The following BOD1L1 variants were observed in gnomAD, a reference collection of about 807,000 sequenced individuals.
The protein encoded by BOD1L1 is biorientation of chromosomes in cell division protein 1-like 1.
Under a neutral mutation model 240.7 loss-of-function variants are expected in BOD1L1, and 86 were observed. The observed-to-expected ratio is 0.36, with a 90% CI of 0.30 to 0.43. The LOEUF is 0.43. BOD1L1 is among the 20% of genes least tolerant of loss of function. BOD1L1 has a pLI of 1.00. For synonymous variants in BOD1L1, 1,268 were observed against 1,272.3 expected, an observed-to-expected ratio of 1.00 and a Z score of 0.07; for missense variants, 3,554 against 3,643.5, an observed-to-expected ratio of 0.98 and a Z score of 0.63.
intron 2 of BOD1L1, among the ~76,000 whole-genome samples, chr4:13,617,777 T>C (rs10028543): frequency 0.15 from 22,203 of 152,222 alleles, 1,773 homozygotes; most frequent in Middle Eastern, 0.24. Flanking sequence ...CTCAACCTAA[T>C]GGAGTCAAGT....
intron 9 of BOD1L1, among the ~76,000 whole-genome samples, chr4:13,605,855 A>G (rs78259048): frequency 1.9e-4 from 29 of 152,268 alleles, no homozygotes; most frequent in African/African-American, 6.5e-4. Context: ...TAACATATGT[A>G]TATGTTTATG....
intron 5 of BOD1L1, among the ~76,000 whole-genome samples, chr4:13,612,773 C>T (rs890380909): frequency 6.6e-6 from 1 of 151,988 alleles, no homozygotes; most frequent in African/African-American, 2.4e-5. Context: ...GATTTAGGGT[C>T]GGAGTGTTGG....
Position 13,614,506 on chromosome 4 carries a change from T to C in BOD1L1, c.864A>G (p.Glu288=), listed in dbSNP as rs766236747. The C allele has an allele frequency of 1.2e-6, 2 of 1,613,980 alleles. No individual in the cohort carries two copies. The highest frequency in any genetic ancestry group is 2.2e-5 in the South Asian group (2 of 91,082). ...EEFSDLPCPV[E]EIKNYTKEHN... Reference sequence around the variant, plus strand: ...GCTCTTTTGTGTAATTTTTAATTTCTTCGACTGGACAGGGGAGGTCGCTGA... The same window carrying C: ...GCTCTTTTGTGTAATTTTTAATTTCCTCGACTGGACAGGGGAGGTCGCTGA... The change falls in exon 4 of 26, where the codon GAA becomes GAG. Residue 288 remains glutamate, a synonymous_variant. Coordinates refer to ENST00000040738, the MANE Select transcript of BOD1L1 (RefSeq NM_148894.3).
chr4:13,584,125 A>G (rs1258190798), intron 17 of BOD1L1, among the ~76,000 whole-genome samples: 1 of 152,230 alleles, frequency 6.6e-6, no homozygotes, highest in Non-Finnish European at 1.5e-5. Context: ...TTTTTAGATA[A>G]AAGGCATATA....
At chr4:13,622,177 C>T (rs1334331357) in intron 1 of BOD1L1, among the ~76,000 whole-genome samples, 2 of 152,102 alleles carry the variant, frequency 1.3e-5, no homozygotes, top group South Asian at 4.1e-4. Flanking sequence ...AAAACTAATT[C>T]TTAATTCTTT....
At chr4:13,585,287 G>C (rs1164707325) in intron 17 of BOD1L1, among the ~76,000 whole-genome samples, 1 of 152,156 alleles carries the variant, frequency 6.6e-6, no homozygotes, top group Admixed American at 6.5e-5. Flanking sequence ...CCAAAGTCTG[G>C]TTTTAGAGAA....
rs761125499 is a variant in BOD1L1, at chr4:13,627,438, G to A, written c.150C>T (p.Asp50=). The A allele has an allele frequency of 7.7e-7, 1 of 1,305,448 alleles. No individual in the cohort carries two copies. The highest frequency in any genetic ancestry group is 9.9e-7 in the Non-Finnish European group (1 of 1,013,452). The allele number at this position is 1,305,448 out of a possible 1,614,324, so 80.9% of individuals were successfully genotyped here. The change falls in exon 1 of 26, where the codon GAC becomes GAT. Residue 50 remains aspartate (D), a synonymous_variant. Coordinates refer to ENST00000040738, the MANE Select transcript of BOD1L1 (RefSeq NM_148894.3). ...TCACGATCATGGCCACGAGCTGCGG[G>A]TCCCCGGCGCCCGCACCCGCGCCGC... ...GAGGAGAGAG[D]PQLVAMIVNH...
rs573510116 is a variant in BOD1L1 at position 13,582,340 on chromosome 4, C to T, written c.8519-30G>A. ...AGAAAAGGAAGAACTTTGTTCAATG[C>T]TAGTGACCATGGTCAGCCTTCCCCA... On this transcript the variant is annotated intron_variant, in intron 18 of 25. Coordinates refer to ENST00000040738, the MANE Select transcript of BOD1L1 (RefSeq NM_148894.3). 2.5e-6 allele frequency: 4 copies of T among 1,581,382 alleles called. No individual in the cohort carries two copies. In the South Asian group the frequency reaches 4.5e-5, roughly 18 times the overall value.
rs777288079 is a variant in BOD1L1 at position 13,600,662 on chromosome 4, C to T, written c.6238G>A (p.Asp2080Asn). ...ATTGCGCTTACCTGAGGGGTGTAAT[C>T]ATTTGTGGTACTGGTGGAAATAATC... The part of the protein sequence containing the change: ...VLIISTSTTN[D>N]YTPQVSAITD... Residue 2080 changes from aspartate to asparagine, a missense_variant, in exon 10 of 26, where the codon GAT becomes AAT. Asp to Asn is a conservative substitution (Grantham distance 23). Coordinates refer to ENST00000040738, the MANE Select transcript of BOD1L1 (RefSeq NM_148894.3). The T allele has an allele frequency of 2.5e-6, 4 of 1,613,966 alleles. No homozygotes were observed. Among genetic ancestry groups the T allele is most frequent in the Non-Finnish European group, 3.4e-6 (4 of 1,179,882 alleles).
chr4:13,609,688 T>C (rs1458855581), intron 6 of BOD1L1, among the ~76,000 whole-genome samples: 1 of 152,208 alleles, frequency 6.6e-6, no homozygotes, highest in Admixed American at 6.5e-5. Context: ...GGGAAAGGTA[T>C]AATTTTGGGG....
Position 13,597,084 on chromosome 4 carries a change from A to C in BOD1L1, c.8019+20T>G, listed in dbSNP as rs547897740. 109 of 1,560,836 alleles carry C rather than the reference A, an allele frequency of 7.0e-5. No individual in the cohort carries two copies. The East Asian group carries it at 1.5e-3, about 22-fold the overall frequency. On this transcript the variant is annotated intron_variant, in intron 11 of 25. Coordinates refer to ENST00000040738, the MANE Select transcript of BOD1L1 (RefSeq NM_148894.3). Reference sequence around the variant, plus strand: ...TATTTAATCACTTACAGTTCAGCACAGCTGAATTATAAGCCATACCTCCAT... The same window carrying C: ...TATTTAATCACTTACAGTTCAGCACCGCTGAATTATAAGCCATACCTCCAT...
chr4:13,609,162 A>C, intron 7 of BOD1L1, 133 bp downstream of exon 7: 2 of 504,374 alleles, frequency 4.0e-6, no homozygotes, highest in Non-Finnish European at 6.3e-6. Flanking sequence ...TGAGATTAAA[A>C]CGTAAGGAAA....
At position 13,604,503 on chromosome 4, in the gene BOD1L1, T is replaced by C. The variant is rs776611403; in HGVS notation, c.2397A>G (p.Leu799=). ...GCTTTCCATCTTTGCCTAATACTGA[T>C]AATTTCCTTTCATTCCTATGTTTAC... The part of the protein sequence containing the change: ...RKSKHRNERK[L]SVLGKDGKPV... Residue 799 remains leucine, a synonymous_variant, in exon 10 of 26, where the codon TTA becomes TTG. Transcript: ENST00000040738. The C allele has an allele frequency of 6.5e-7, 1 of 1,531,064 alleles. No homozygotes were observed. Among genetic ancestry groups the C allele is most frequent in the Non-Finnish European group, 8.7e-7 (1 of 1,146,694 alleles). 94.8% of individuals were successfully genotyped at this position (1,531,064 alleles called of 1,614,324 possible).
At position 13,613,335 on chromosome 4, in the gene BOD1L1, T is replaced by C. The variant is rs1403299639; in HGVS notation, c.1324+177A>G. 6.6e-6 allele frequency among the ~76,000 whole-genome samples: 1 copy of C among 152,180 alleles called. No homozygotes were observed. Among genetic ancestry groups the C allele is most frequent in the Non-Finnish European group, 1.5e-5 (1 of 68,032 alleles). On this transcript the variant is annotated intron_variant, in intron 5 of 25. Coordinates refer to ENST00000040738, the MANE Select transcript of BOD1L1 (RefSeq NM_148894.3). The surrounding 1 kb of genome is among the most constrained non-coding windows in gnomAD (Gnocchi z 4.0). ...CCAAGGGTTGTTGAGATTTAGTAAC[T>C]TACCAAGCTTGCTCAGACAGACAAC...
At chr4:13,597,030 T>C (rs1714673595) in intron 11 of BOD1L1, 74 bp downstream of exon 11, 1 of 1,164,906 alleles carries the variant, frequency 8.6e-7, no homozygotes, top group Non-Finnish European at 1.2e-6. Flanking sequence ...ACCACATAAG[T>C]ATATATATGT....
intron 25 of BOD1L1, chr4:13,572,810 G>A: frequency 7.8e-7 from 1 of 1,289,794 alleles, no homozygotes; most frequent in Non-Finnish European, 1.0e-6. Context: ...AAGTTTGGAT[G>A]TTGCACGTGC....
rs770905798 is a variant in BOD1L1, at chr4:13,579,956, A to G, written c.8721T>C (p.Ser2907=). 6.4e-7 allele frequency: 1 copy of G among 1,559,752 alleles called. No homozygotes were observed. The highest frequency in any genetic ancestry group is 8.7e-7 in the Non-Finnish European group (1 of 1,150,670). The change falls in exon 22 of 26, where the codon TCT becomes TCC. Residue 2907 remains serine, a synonymous_variant. Coordinates refer to ENST00000040738, the MANE Select transcript of BOD1L1 (RefSeq NM_148894.3). ...TTTGCATTACTTTCAGTTTGCTGCT[A>G]GATGGAGATTGTTCTACCTATGTTT... ...TGIVTVEQSP[S]SSKLKVMQTD...
chr4:13,600,549 G>T lies in BOD1L1; in HGVS notation c.6351C>A (p.Ala2117=). Residue 2117 remains alanine, a synonymous_variant, in exon 10 of 26, where the codon GCC becomes GCA. Coordinates refer to ENST00000040738, the MANE Select transcript of BOD1L1 (RefSeq NM_148894.3). ...GTRVTTEEFE[A]PMPSAVSGDD... ...CTCCTGAGACTGCACTGGGCATGGG[G>T]GCCTCAAATTCTTCTGTGGTTACTC... The T allele has an allele frequency of 6.2e-7, 1 of 1,613,836 alleles. No homozygotes were observed. The highest frequency in any genetic ancestry group is 1.7e-4 in the Middle Eastern group (1 of 6,060).
chr4:13,577,776 A>G (rs1314705131), intron 22 of BOD1L1, 145 bp from the exon 23 acceptor site: 18 of 614,106 alleles, frequency 2.9e-5, no homozygotes, highest in African/African-American at 3.7e-5. Context: ...AAGCAAAGAT[A>G]GAATCAGAAT....
Sources: gnomAD v4.1 joint callset for allele counts (sites outside exome capture counted in the v4.1 genomes callset) on GRCh38, gnomAD v4.1.1 for gene constraint, Gnocchi (gnomAD v3.1) non-coding constraint, MANE v1.5 for transcripts, NCBI Gene and HGNC (gene_info 2026-07-23, HGNC 2026-07-21) for gene names.